Variants in RBFOX1 observed in about 807,000 individuals in gnomAD.
The protein encoded by RBFOX1 is RNA binding fox-1 homolog 1.
Under a neutral mutation model 57.7 loss-of-function variants are expected in RBFOX1, and 8 were observed. That is an observed-to-expected ratio of 0.14 (90% confidence interval 0.08 to 0.25). The LOEUF (loss-of-function observed/expected upper bound fraction) is 0.25, where lower values mean the gene tolerates loss of function less well. RBFOX1 is among the 10% of genes least tolerant of loss of function. The probability of loss-of-function intolerance (pLI) is 1.00; values close to 1 mark genes in which losing one functional copy is unlikely to be tolerated. For missense variants in RBFOX1, 611 were observed against 548.5 expected, an observed-to-expected ratio of 1.11 and a Z score of -1.14; for synonymous variants, 326 against 222.4, an observed-to-expected ratio of 1.47 and a Z score of -4.15.
chr16:7,153,033 T>A (rs924997122), intron 4 of RBFOX1, among the ~76,000 whole-genome samples: 1 of 152,202 alleles, frequency 6.6e-6, no homozygotes, highest in Admixed American at 6.5e-5. Context: ...TATTTTTTTG[T>A]TTGTCATTTG....
chr16:7,033,605 A>G (rs1436018306), intron 3 of RBFOX1, among the ~76,000 whole-genome samples: 1 of 152,224 alleles, frequency 6.6e-6, no homozygotes, highest in East Asian at 1.9e-4. Context: ...ATAACTTTAA[A>G]GACACAGAAT....
intron 5 of RBFOX1, among the ~76,000 whole-genome samples, chr16:7,535,284 C>T (rs569201672): frequency 6.6e-6 from 1 of 152,300 alleles, no homozygotes; most frequent in Admixed American, 6.5e-5. Flanking sequence ...GCTTACGGGC[C>T]CTTTCTGTAG....
intron 4 of RBFOX1, among the ~76,000 whole-genome samples, chr16:7,203,660 T>C (rs1567692816): frequency 6.6e-6 from 1 of 152,202 alleles, no homozygotes; most frequent in Non-Finnish European, 1.5e-5. Flanking sequence ...TCAGATAGGG[T>C]CCCTCTATGT....
chr16:6,042,380 T>G (rs989887200), intron 1 of RBFOX1, among the ~76,000 whole-genome samples: 10 of 152,160 alleles, frequency 6.6e-5, no homozygotes, highest in African/African-American at 2.4e-4. Context: ...ATTACAGGCA[T>G]GAGCCACCGT....
At chr16:6,609,349 TA>T (rs1455226454) in intron 2 of RBFOX1, among the ~76,000 whole-genome samples, 2 of 152,156 alleles carry the variant, frequency 1.3e-5, no homozygotes, top group Admixed American at 6.5e-5. Context: ...TTCTCTTTTT[TA>T]TTTTTATTTT....
chr16:5,663,362 G>T, intron 3 of RBFOX1, among the ~76,000 whole-genome samples: 1 of 151,518 alleles, frequency 6.6e-6, no homozygotes, highest in Admixed American at 6.6e-5. Flanking sequence ...ATGCCACCAT[G>T]CCCAGCTAAT....
intron 4 of RBFOX1, among the ~76,000 whole-genome samples, chr16:5,923,173 A>G (rs1437479671): frequency 6.6e-6 from 1 of 152,236 alleles, no homozygotes; most frequent in African/African-American, 2.4e-5. Context: ...AACGGCTGCT[A>G]ATGTAGTGGT....
At chr16:6,843,590 G>T (rs1885306367) in intron 3 of RBFOX1, among the ~76,000 whole-genome samples, 1 of 152,194 alleles carries the variant, frequency 6.6e-6, no homozygotes, top group African/African-American at 2.4e-5. Context: ...TCAGGACGTT[G>T]AGGCAGGAGA....
intron 2 of RBFOX1, among the ~76,000 whole-genome samples, chr16:6,366,346 T>G (rs2089615332): frequency 6.6e-6 from 1 of 152,162 alleles, no homozygotes; most frequent in Non-Finnish European, 1.5e-5. Context: ...ACATTCCTAT[T>G]TTATACATTT....
At chr16:5,430,942 G>C (rs145237384) in intron 1 of RBFOX1, among the ~76,000 whole-genome samples, 402 of 152,302 alleles carry the variant, frequency 2.6e-3, no homozygotes, top group Non-Finnish European at 4.4e-3. Flanking sequence ...GTGGGGACCT[G>C]CTCAGTAACA....
At chr16:6,923,604 G>T (rs2074958428) in intron 3 of RBFOX1, among the ~76,000 whole-genome samples, 1 of 152,122 alleles carries the variant, frequency 6.6e-6, no homozygotes, top group African/African-American at 2.4e-5. Context: ...AGAGAGCAGG[G>T]TGGAATGGGA....
chr16:5,483,725 A>G (rs1405778406), intron 2 of RBFOX1, among the ~76,000 whole-genome samples: 1 of 152,358 alleles, frequency 6.6e-6, no homozygotes, highest in East Asian at 1.9e-4. Context: ...GGATGAGTGT[A>G]TTAGTTATCT....
At chr16:5,981,492 G>A (rs2060171423) in intron 4 of RBFOX1, among the ~76,000 whole-genome samples, 1 of 152,114 alleles carries the variant, frequency 6.6e-6, no homozygotes, top group African/African-American at 2.4e-5. Flanking sequence ...TTTTTGAGAT[G>A]GAGTCTCATT....
intron 1 of RBFOX1, among the ~76,000 whole-genome samples, chr16:5,382,651 C>T (rs1239810732): frequency 6.6e-6 from 1 of 152,166 alleles, no homozygotes; most frequent in Non-Finnish European, 1.5e-5. Context: ...ACTAAAGCTG[C>T]CTGAACAGCT....
Position 7,509,633 on chromosome 16 carries a change from T to G in RBFOX1, c.28-8514T>G, listed in dbSNP as rs144117660. Among the ~76,000 whole-genome samples, 457 of 152,310 alleles carry G rather than the reference T, an allele frequency of 3.0e-3. 2 individuals carry two copies. The highest frequency in any genetic ancestry group is 4.9e-3 in the Non-Finnish European group (330 of 68,026). On this transcript the variant is annotated intron_variant, in intron 4 of 15. Coordinates refer to ENST00000550418, the MANE Select transcript of RBFOX1 (RefSeq NM_018723.4). Reference sequence around the variant, plus strand: ...AAATCTTCCAAGTCATCATCAGTTATGGTATTTTTAAGATCGATTTGCAGT... The same window carrying G: ...AAATCTTCCAAGTCATCATCAGTTAGGGTATTTTTAAGATCGATTTGCAGT...
At chr16:7,007,887 C>A (rs1462457302) in intron 3 of RBFOX1, among the ~76,000 whole-genome samples, 2 of 152,150 alleles carry the variant, frequency 1.3e-5, no homozygotes, top group African/African-American at 4.8e-5. Context: ...CTTGTAAGAA[C>A]CTTCATGCTG....
chr16:5,490,974 A>AT (rs112127358), intron 2 of RBFOX1, among the ~76,000 whole-genome samples: 3 of 152,012 alleles, frequency 2.0e-5, no homozygotes, highest in Admixed American at 6.6e-5. Flanking sequence ...TTATTTATAT[A>AT]TTTTTTTCCA....
chr16:7,166,229 G>A (rs985825455), intron 4 of RBFOX1, among the ~76,000 whole-genome samples: 2 of 151,828 alleles, frequency 1.3e-5, no homozygotes, highest in African/African-American at 2.4e-5. Context: ...GGCCAGGCTG[G>A]TCTCGAATTC....
intron 5 of RBFOX1, among the ~76,000 whole-genome samples, chr16:7,545,878 G>A (rs1391978382): frequency 5.3e-5 from 8 of 152,066 alleles, no homozygotes; most frequent in African/African-American, 1.7e-4. Context: ...AGCAGAACCA[G>A]GAATGCTGGT....
Sources: gnomAD v4.1 joint callset for allele counts (sites outside exome capture counted in the v4.1 genomes callset) on GRCh38, gnomAD v4.1.1 for gene constraint, MANE v1.5 for transcripts, NCBI Gene and HGNC (gene_info 2026-07-23, HGNC 2026-07-21) for gene names.